The following DHX36 variants were observed in gnomAD, a reference collection of about 807,000 sequenced individuals.
The protein encoded by DHX36 is DEAH-box helicase 36, also known as ATP-dependent DNA/RNA helicase DHX36.
A neutral mutation model predicts 139.0 loss-of-function variants in DHX36; 50 were observed. The ratio of observed to expected loss-of-function variants is 0.36; its 90% CI spans 0.29 to 0.46. The LOEUF (loss-of-function observed/expected upper bound fraction) is 0.46, where lower values mean the gene tolerates loss of function less well. DHX36 is among the 20% of genes least tolerant of loss of function. DHX36 has a pLI of 1.00. For synonymous variants in DHX36, 425 were observed against 401.9 expected (o/e 1.06, Z -0.69); for missense variants, 1,024 against 1,211.3 (o/e 0.85, Z 2.29).
intron 13 of DHX36, among the ~76,000 whole-genome samples, chr3:154,294,270 T>C (rs571000350): frequency 2.6e-5 from 4 of 151,916 alleles, no homozygotes; most frequent in African/African-American, 4.8e-5. Context: ...TGAGATCAGA[T>C]TGGAGTGAAA....
chr3:154,322,648 A>C (rs1713236921), intron 1 of DHX36, among the ~76,000 whole-genome samples: 1 of 152,254 alleles, frequency 6.6e-6, no homozygotes, highest in African/African-American at 2.4e-5. Flanking sequence ...CATTCATAAC[A>C]TCCACTGCAC....
At chr3:154,291,586 A>T (rs1287933066) in intron 15 of DHX36, among the ~76,000 whole-genome samples, 1 of 152,200 alleles carries the variant, frequency 6.6e-6, no homozygotes, top group Non-Finnish European at 1.5e-5. Context: ...CTATCTAATA[A>T]ACTGTCTTGA....
intron 5 of DHX36, among the ~76,000 whole-genome samples, chr3:154,306,519 T>C (rs1324194179): frequency 1.3e-5 from 2 of 152,196 alleles, no homozygotes; most frequent in Non-Finnish European, 2.9e-5. Flanking sequence ...AGTTCTCTCA[T>C]CACTAGTTTC....
At position 154,276,334 on chromosome 3, in the gene DHX36, A is replaced by G. The variant is rs779262363; in HGVS notation, c.2864T>C (p.Ile955Thr). ...ACTTTCAATCTTCTCTTGCAGAAGA[A>G]TATCTAGTTCCTTTCTTAATTCCTA... ...LVKELRKELD[I>T]LLQEKIESPH... Residue 955 changes from isoleucine to threonine, a missense_variant, in exon 25 of 25, where the codon ATT becomes ACT. Physicochemically the swap from Ile to Thr is moderately conservative, Grantham distance 89 (BLOSUM62 -1). Around this residue, in one of 4 missense-constraint regions of DHX36, gnomAD observed 470 missense variants for 616.2 expected, o/e 0.76. Transcript: ENST00000496811. 1.9e-6 allele frequency: 3 copies of G among 1,612,872 alleles called. No individual in the cohort carries two copies. The highest frequency in any genetic ancestry group is 8.5e-7 in the Non-Finnish European group (1 of 1,179,736).
At chr3:154,305,015 C>CTTTA in intron 7 of DHX36, 43 bp from the exon 8 acceptor site, 1 of 1,595,282 alleles carries the variant, frequency 6.3e-7, no homozygotes, top group Non-Finnish European at 8.5e-7. Context: ...AACCATTTTT[C>CTTTA]TTTAACAACT....
chr3:154,310,300 T>C (rs1043944528), intron 4 of DHX36, among the ~76,000 whole-genome samples: 3 of 152,270 alleles, frequency 2.0e-5, no homozygotes, highest in East Asian at 1.9e-4. Flanking sequence ...AATAAAGTCA[T>C]TGAATATCTA....
chr3:154,277,636 T>C lies in DHX36; in HGVS notation c.2650A>G (p.Asn884Asp). 2 of 1,612,282 alleles carry C rather than the reference T, an allele frequency of 1.2e-6. No individual in the cohort carries two copies. The highest frequency in any genetic ancestry group is 1.7e-6 in the Non-Finnish European group (2 of 1,178,808). ...VNVEQTDFHY[N>D]WLIYHLKMRT... ...ATCTTTAGGTGATAGATAAGCCAGT[T>C]GTAGTGAAAGTCTGTTTGCTCCACA... Residue 884 changes from asparagine to aspartate, a missense_variant, in exon 23 of 25, where the codon AAC becomes GAC. This residue lies in a region of DHX36 where 470 missense variants were observed against 616.2 expected (regional missense o/e 0.76). Coordinates refer to ENST00000496811, the MANE Select transcript of DHX36 (RefSeq NM_020865.3).
At position 154,276,283 on chromosome 3, in the gene DHX36, G is replaced by A. The variant is rs1719146363; in HGVS notation, c.2915C>T (p.Thr972Ile). Residue 972 changes from threonine (T) to isoleucine (I), a missense_variant, in exon 25 of 25, where the codon ACT becomes ATT. Transcript: ENST00000496811. ...CAGTACTGCACAGTCTCTGGATTTA[G>A]TGTCATTCCAGTCTACAGGATGAGG... is the stretch of plus-strand genomic sequence containing the variant. ...ESPHPVDWND[T>I]KSRDCAVLSA... The A allele has an allele frequency of 6.2e-7, 1 of 1,613,826 alleles. No homozygotes were observed. The highest frequency in any genetic ancestry group is 8.5e-7 in the Non-Finnish European group (1 of 1,179,876).
rs905680534 is a variant in DHX36, at chr3:154,273,007, C to T, written c.*3164G>A. The T allele has an allele frequency of 1.3e-5, 2 of 151,838 alleles. No individual in the cohort carries two copies. The highest frequency in any genetic ancestry group is 1.3e-4 in the Admixed American group (2 of 15,244). 9.4% of individuals were successfully genotyped at this position (151,838 alleles called of 1,614,324 possible). A position where few individuals can be genotyped will look rare whatever the true frequency, so the allele number is the denominator to read the frequency against. ...GGCATCACATGTGCTCACTGTTCAA[C>T]GATGCTTTTGAAAGATTATTCAGTA... On this transcript the variant is annotated 3_prime_UTR_variant, in exon 25 of 25. Coordinates refer to ENST00000496811, the MANE Select transcript of DHX36 (RefSeq NM_020865.3).
chr3:154,286,992 G>C (rs994232692), intron 17 of DHX36, among the ~76,000 whole-genome samples: 2 of 151,972 alleles, frequency 1.3e-5, no homozygotes, highest in African/African-American at 2.4e-5. Context: ...TGTTCCACTA[G>C]AAAACAAGAT....
At position 154,305,101 on chromosome 3, in the gene DHX36, A is replaced by T. The variant is rs769794924; in HGVS notation, c.961T>A (p.Ser321Thr). ...TTGIILQWLQSDPYLSSVSHI... is the reference protein window; with the variant it reads ...TTGIILQWLQTDPYLSSVSHI... ...TAATTGAAACATACTCACGGGTCTG[A>T]CTGGAGCCACTGAAGGATGATTCCT... The change falls in exon 7 of 25, where the codon TCA (serine) becomes ACA (threonine). Residue 321 changes from serine to threonine, a missense_variant. Ser to Thr is a moderately conservative substitution (Grantham distance 58). Transcript: ENST00000496811. 2.5e-6 allele frequency: 4 copies of T among 1,613,602 alleles called. No homozygotes were observed. The East Asian group carries it at 8.9e-5, about 36-fold the overall frequency.
chr3:154,308,575 A>G (rs999000301), intron 5 of DHX36, among the ~76,000 whole-genome samples: 2 of 152,196 alleles, frequency 1.3e-5, no homozygotes, highest in African/African-American at 2.4e-5. Flanking sequence ...GTACAGGCTG[A>G]GTATTCCTTA....
chr3:154,284,761 A>C, intron 18 of DHX36, 53 bp downstream of exon 18: 1 of 1,602,384 alleles, frequency 6.2e-7, no homozygotes, highest in Non-Finnish European at 8.5e-7. Context: ...AATATATCTA[A>C]GCAACTCCTG....
At chr3:154,294,072 T>G (rs1013230016) in intron 13 of DHX36, among the ~76,000 whole-genome samples, 1 of 152,202 alleles carries the variant, frequency 6.6e-6, no homozygotes. Flanking sequence ...TGAGGTATCA[T>G]TATTTAAATT....
At position 154,309,787 on chromosome 3, in the gene DHX36, C is replaced by CTAA. The variant is rs1276530096; in HGVS notation, c.678_679insTTA (p.Thr226_Val227insLeu). Reference sequence around the variant, plus strand: ...CCACAACCAGTTTCACCACTTATTACTGTTACCTGATGGTTATCAATTAAA... The same window carrying CTAA: ...CCACAACCAGTTTCACCACTTATTACTAATGTTACCTGATGGTTATCAATTAAA... On this transcript the variant is annotated inframe_insertion, in exon 5 of 25. Coordinates refer to ENST00000496811, the MANE Select transcript of DHX36 (RefSeq NM_020865.3). The CTAA allele has an allele frequency of 6.2e-7, 1 of 1,610,782 alleles. No individual in the cohort carries two copies. The highest frequency in any genetic ancestry group is 8.5e-7 in the Non-Finnish European group (1 of 1,178,600).
chr3:154,305,458 G>A (rs1374182958), intron 6 of DHX36: 5 of 249,838 alleles, frequency 2.0e-5, no homozygotes, highest in South Asian at 1.3e-4. Context: ...TATTTGGTTC[G>A]TAATTGGAAA....
At chr3:154,281,864 T>C (rs894413212) in intron 20 of DHX36, among the ~76,000 whole-genome samples, 2 of 94,678 alleles carry the variant, frequency 2.1e-5, no homozygotes, top group East Asian at 3.4e-4. Flanking sequence ...ATTAGCTCTA[T>C]ATTTAAATAC....
chr3:154,278,407 T>TTAAC (rs1378945008), intron 22 of DHX36: 2 of 152,142 alleles, frequency 1.3e-5, no homozygotes, highest in Non-Finnish European at 2.9e-5. Flanking sequence ...ATTACCTGTA[T>TTAAC]TAACTAACAG....
chr3:154,315,648 G>A (rs1712951205), intron 2 of DHX36, among the ~76,000 whole-genome samples: 3 of 151,998 alleles, frequency 2.0e-5, no homozygotes, highest in Admixed American at 2.0e-4. Context: ...CAAATAGGAT[G>A]CTACAATACA....
Sources: gnomAD v4.1 joint callset for allele counts (sites outside exome capture counted in the v4.1 genomes callset) on GRCh38, gnomAD v4.1.1 for gene constraint, gnomAD v4.1.1 regional missense constraint, MANE v1.5 for transcripts, NCBI Gene and HGNC (gene_info 2026-07-23, HGNC 2026-07-21) for gene names.